The following MGAT4C variants were observed in gnomAD, a reference collection of about 807,000 sequenced individuals.
MGAT4C encodes alpha-1,3-mannosyl-glycoprotein 4-beta-N-acetylglucosaminyltransferase C.
In MGAT4C, 19 loss-of-function variants were observed where a neutral mutation model predicts 40.1. The ratio of observed to expected loss-of-function variants is 0.47; its 90% CI spans 0.33 to 0.70. MGAT4C has a LOEUF of 0.70. Among genes scored for constraint, MGAT4C ranks in the 30% least tolerant of loss-of-function variants. The pLI, the probability that MGAT4C is intolerant of heterozygous loss-of-function variation, is 0.02. For missense variants in MGAT4C, 491 were observed against 563.2 expected, an observed-to-expected ratio of 0.87 and a Z score of 1.30; for synonymous variants, 181 against 187.1, an observed-to-expected ratio of 0.97 and a Z score of 0.27.
intron 1 of MGAT4C, among the ~76,000 whole-genome samples, chr12:86,733,293 A>C (rs919846924): frequency 2.0e-5 from 3 of 152,138 alleles, no homozygotes; most frequent in African/African-American, 7.2e-5. Context: ...GGAACAGTGT[A>C]AAGAATTATG....
intron 1 of MGAT4C, among the ~76,000 whole-genome samples, chr12:86,119,638 A>C (rs968852546): frequency 2.0e-5 from 3 of 150,988 alleles, no homozygotes; most frequent in Non-Finnish European, 4.4e-5. Flanking sequence ...CAAACTCCTG[A>C]CGTCAGGTGA....
intron 2 of MGAT4C, among the ~76,000 whole-genome samples, chr12:86,650,413 A>G (rs746221649): frequency 1.3e-5 from 2 of 151,980 alleles, no homozygotes; most frequent in Admixed American, 6.6e-5. Context: ...TAAAGCTAGC[A>G]TATTGCAATG....
chr12:86,203,975 AATATAT>A (rs56952745), intron 1 of MGAT4C, among the ~76,000 whole-genome samples: 1 of 137,102 alleles, frequency 7.3e-6, no homozygotes, highest in Non-Finnish European at 1.6e-5. Flanking sequence ...AAAAAAAAGA[AATATAT>A]ATATATATAT....
chr12:86,534,350 T>C (rs183471437), intron 2 of MGAT4C, among the ~76,000 whole-genome samples: 21 of 152,284 alleles, frequency 1.4e-4, no homozygotes, highest in Admixed American at 1.3e-3. Flanking sequence ...CCCTGACCTA[T>C]ATAAGCTTTG....
intron 1 of MGAT4C, among the ~76,000 whole-genome samples, chr12:86,064,731 A>G (rs1024005218): frequency 6.6e-6 from 1 of 152,184 alleles, no homozygotes; most frequent in Non-Finnish European, 1.5e-5. Context: ...GAACTGAAGG[A>G]GATAGAGACA....
intron 2 of MGAT4C, among the ~76,000 whole-genome samples, chr12:86,497,915 TAC>T (rs1958269192): frequency 7.1e-6 from 1 of 141,838 alleles, no homozygotes; most frequent in East Asian, 2.0e-4. Flanking sequence ...TATATATATA[TAC>T]GCACACACAC....
intron 2 of MGAT4C, among the ~76,000 whole-genome samples, chr12:86,680,965 A>G (rs1949971371): frequency 6.6e-6 from 1 of 152,014 alleles, no homozygotes; most frequent in South Asian, 2.1e-4. Context: ...GTGATACATC[A>G]TGCTCATGGG....
chr12:86,160,500 A>G (rs1479900598), intron 1 of MGAT4C, among the ~76,000 whole-genome samples: 1 of 152,002 alleles, frequency 6.6e-6, no homozygotes, highest in Admixed American at 6.6e-5. Flanking sequence ...CGAGCATGTG[A>G]TCAATCTTAG....
chr12:86,723,096 A>G (rs1478174022), intron 2 of MGAT4C, among the ~76,000 whole-genome samples: 1 of 152,222 alleles, frequency 6.6e-6, no homozygotes, highest in Admixed American at 6.5e-5. Context: ...ACATTTATTC[A>G]GTATTGTTTA....
intron 1 of MGAT4C, among the ~76,000 whole-genome samples, chr12:86,748,465 T>G (rs1372726595): frequency 6.6e-6 from 1 of 151,700 alleles, no homozygotes; most frequent in Non-Finnish European, 1.5e-5. Context: ...CATGCAAACC[T>G]ATTCAAGGAT....
intron 2 of MGAT4C, among the ~76,000 whole-genome samples, chr12:86,667,297 C>G (rs1964134829): frequency 6.6e-6 from 1 of 152,166 alleles, no homozygotes; most frequent in Non-Finnish European, 1.5e-5. Context: ...TGTCACCTAG[C>G]AGACACATGC....
intron 2 of MGAT4C, among the ~76,000 whole-genome samples, chr12:86,507,937 T>C (rs1029519034): frequency 6.6e-6 from 1 of 152,194 alleles, no homozygotes; most frequent in African/African-American, 2.4e-5. Flanking sequence ...TTTCTATTTC[T>C]GTAGAAAATG....
chr12:86,317,549 G>T (rs1309690889), intron 4 of MGAT4C, among the ~76,000 whole-genome samples: 1 of 152,046 alleles, frequency 6.6e-6, no homozygotes, highest in Non-Finnish European at 1.5e-5. Flanking sequence ...GTTCTTTTGA[G>T]TATGACATTG....
At chr12:86,493,274 T>C (rs1361479469) in intron 2 of MGAT4C, among the ~76,000 whole-genome samples, 2 of 151,718 alleles carry the variant, frequency 1.3e-5, no homozygotes, top group Non-Finnish European at 2.9e-5. Flanking sequence ...AAATACCATT[T>C]GACCCAGCTA....
intron 3 of MGAT4C, among the ~76,000 whole-genome samples, chr12:86,417,788 AATG>A (rs917653079): frequency 5.3e-5 from 8 of 152,144 alleles, no homozygotes; most frequent in African/African-American, 1.7e-4. Context: ...TAATGGTGAT[AATG>A]ATGATAATAA....
intron 1 of MGAT4C, among the ~76,000 whole-genome samples, chr12:86,775,186 C>G (rs1951730055): frequency 6.6e-6 from 1 of 152,208 alleles, no homozygotes; most frequent in African/African-American, 2.4e-5. Context: ...TGTGAATTAG[C>G]AAACTGGTGA....
At chr12:86,308,322 C>T (rs1953990623) in intron 4 of MGAT4C, among the ~76,000 whole-genome samples, 1 of 150,272 alleles carries the variant, frequency 6.7e-6, no homozygotes, top group African/African-American at 2.5e-5. Context: ...GAGAAAAATA[C>T]AAATAAAACA....
chr12:86,385,164 C>T (rs1409300337), intron 3 of MGAT4C, among the ~76,000 whole-genome samples: 2 of 152,128 alleles, frequency 1.3e-5, no homozygotes, highest in African/African-American at 4.8e-5. Flanking sequence ...CTTGCTGAAA[C>T]AATAAATCTG....
At chr12:86,665,897 A>G (rs1671686146) in intron 2 of MGAT4C, among the ~76,000 whole-genome samples, 1 of 152,184 alleles carries the variant, frequency 6.6e-6, no homozygotes, top group South Asian at 2.1e-4. Context: ...CTAAAAGAAA[A>G]CTATTGAAAT....
Sources: allele counts gnomAD v4.1 joint callset (sites outside exome capture counted in the v4.1 genomes callset), GRCh38; gene constraint gnomAD v4.1.1; transcripts MANE v1.5; gene names NCBI Gene and HGNC (gene_info 2026-07-23, HGNC 2026-07-21).